The following HECTD2 variants were observed in gnomAD, a reference collection of about 807,000 sequenced individuals.
The protein encoded by HECTD2 is probable E3 ubiquitin-protein ligase HECTD2.
Under a neutral mutation model 103.2 loss-of-function variants are expected in HECTD2, and 35 were observed. The observed-to-expected ratio is 0.34, with a 90% CI of 0.26 to 0.45. The LOEUF (loss-of-function observed/expected upper bound fraction) is 0.45. Ranked by LOEUF, HECTD2 falls within the 20% of genes least tolerant of loss-of-function variation. The pLI is 1.00. For synonymous variants in HECTD2, 281 were observed against 329.9 expected (o/e 0.85, Z 1.61); for missense variants, 596 against 937.4 (o/e 0.64, Z 4.76).
At chr10:91,419,410 T>C in intron 1 of HECTD2, among the ~76,000 whole-genome samples, 1 of 152,062 alleles carries the variant, frequency 6.6e-6, no homozygotes, top group East Asian at 1.9e-4. Context: ...GCAGAACAGG[T>C]ACTCTAAGTG....
At chr10:91,425,233 T>C in intron 1 of HECTD2, 48 bp from the exon 2 acceptor site, 1 of 1,343,014 alleles carries the variant, frequency 7.4e-7, no homozygotes, top group Non-Finnish European at 9.7e-7. Context: ...ATAAAATAAT[T>C]TATAGGTAGT....
At chr10:91,422,339 A>G (rs1336405623) in intron 1 of HECTD2, among the ~76,000 whole-genome samples, 2 of 152,170 alleles carry the variant, frequency 1.3e-5, no homozygotes, top group African/African-American at 4.8e-5. Context: ...AATGCCTTCT[A>G]TGTGTTAAAT....
chr10:91,456,654 C>G (rs1845108970), intron 2 of HECTD2, among the ~76,000 whole-genome samples: 1 of 152,082 alleles, frequency 6.6e-6, no homozygotes, highest in Non-Finnish European at 1.5e-5. Flanking sequence ...TGTCTTGTGC[C>G]AGTTTTGAAA....
intron 1 of HECTD2, among the ~76,000 whole-genome samples, chr10:91,421,257 C>CT (rs374587906): frequency 2.9e-4 from 43 of 149,704 alleles, no homozygotes; most frequent in African/African-American, 6.6e-4. Context: ...CATTATTGAC[C>CT]TTTTTTTTTT....
intron 2 of HECTD2, among the ~76,000 whole-genome samples, chr10:91,433,386 A>G (rs1843978140): frequency 6.6e-6 from 1 of 152,000 alleles, no homozygotes; most frequent in South Asian, 2.1e-4. Context: ...GCAAATATAA[A>G]TAAATATTCT....
At chr10:91,511,515 G>T (rs1466621916) in intron 20 of HECTD2, among the ~76,000 whole-genome samples, 1 of 152,088 alleles carries the variant, frequency 6.6e-6, no homozygotes, top group Non-Finnish European at 1.5e-5. Context: ...TGGCACCAGG[G>T]ATCGGTTTTG....
chr10:91,416,638 T>C (rs1354683273), intron 1 of HECTD2, among the ~76,000 whole-genome samples: 2 of 152,240 alleles, frequency 1.3e-5, no homozygotes, highest in African/African-American at 4.8e-5. Context: ...TCAGAAAATA[T>C]CCTCATTGTT....
intron 2 of HECTD2, among the ~76,000 whole-genome samples, chr10:91,431,239 C>T (rs562725943): frequency 1.2e-4 from 18 of 151,912 alleles, no homozygotes; most frequent in Admixed American, 4.6e-4. Context: ...GAGTTTCTGC[C>T]GAGAGATCTG....
At chr10:91,439,170 G>C (rs1340047056) in intron 2 of HECTD2, among the ~76,000 whole-genome samples, 1 of 152,112 alleles carries the variant, frequency 6.6e-6, no homozygotes, top group Non-Finnish European at 1.5e-5. Flanking sequence ...GTCCTGAATG[G>C]TATTGCCTAG....
At chr10:91,462,375 G>T in intron 5 of HECTD2, 191 bp downstream of exon 5, 1 of 1,133,764 alleles carries the variant, frequency 8.8e-7, no homozygotes, top group Non-Finnish European at 1.1e-6. Context: ...GAATTAAGCA[G>T]CAAATACTTT....
Position 91,505,714 on chromosome 10 carries a change from C to T in HECTD2, c.2210+4380C>T, listed in dbSNP as rs1475373651. Among the ~76,000 whole-genome samples, 890 of 147,914 alleles carry T rather than the reference C, an allele frequency of 6.0e-3. 4 individuals carry two copies. Among genetic ancestry groups the T allele is most frequent in the African/African-American group, 0.018 (746 of 40,834 alleles). On this transcript the variant is annotated intron_variant, in intron 20 of 20. Transcript: ENST00000298068. ...CCACTGTCAACATTAGACAGATCAACGAGACAGAAAGTCAACAAGGATACC... is the reference window on the plus strand; with the variant it reads ...CCACTGTCAACATTAGACAGATCAATGAGACAGAAAGTCAACAAGGATACC...
chr10:91,414,984 G>A (rs1843061956), intron 1 of HECTD2, among the ~76,000 whole-genome samples: 1 of 152,130 alleles, frequency 6.6e-6, no homozygotes, highest in South Asian at 2.1e-4. Context: ...ACTAGAGGAG[G>A]GAGAAAGTGA....
chr10:91,491,514 T>A (rs1352709397), intron 12 of HECTD2, among the ~76,000 whole-genome samples: 1 of 152,212 alleles, frequency 6.6e-6, no homozygotes, highest in Non-Finnish European at 1.5e-5. Flanking sequence ...CTTATATTCA[T>A]GTTTGTATGT....
intron 14 of HECTD2, among the ~76,000 whole-genome samples, chr10:91,495,832 A>G (rs982827847): frequency 6.6e-6 from 1 of 152,160 alleles, no homozygotes; most frequent in Non-Finnish European, 1.5e-5. Flanking sequence ...AGTATTCTAC[A>G]GTGAGATCTA....
intron 16 of HECTD2, among the ~76,000 whole-genome samples, chr10:91,498,668 T>A (rs1373281552): frequency 6.6e-6 from 1 of 152,226 alleles, no homozygotes; most frequent in African/African-American, 2.4e-5. Flanking sequence ...TAGGCAGGGT[T>A]AAGTTAAGGC....
In HECTD2 at chr10:91,512,663, T is replaced by C; in HGVS notation, c.*279T>C. 3.2e-6 allele frequency: 1 copy of C among 309,766 alleles called. No homozygotes were observed. The highest frequency in any genetic ancestry group is 6.0e-6 in the Non-Finnish European group (1 of 165,408). The allele number at this position is 309,766 out of a possible 1,614,324, so 19.2% of individuals were successfully genotyped here. On this transcript the variant is annotated 3_prime_UTR_variant, in exon 21 of 21. Coordinates refer to ENST00000298068, the MANE Select transcript of HECTD2 (RefSeq NM_182765.6). ...GCACTTTATCATTCTCCACAAGTAG[T>C]TTGTCACAGGCATTCCACTGGGAAA...
At chr10:91,495,170 A>T (rs1489710410) in intron 14 of HECTD2, among the ~76,000 whole-genome samples, 1 of 151,968 alleles carries the variant, frequency 6.6e-6, no homozygotes, top group African/African-American at 2.4e-5. Context: ...TATATAGGAG[A>T]AATGTGAGAT....
chr10:91,457,892 T>G (rs1845175124), intron 2 of HECTD2, among the ~76,000 whole-genome samples: 1 of 151,862 alleles, frequency 6.6e-6, no homozygotes, highest in African/African-American at 2.4e-5. Flanking sequence ...GGATGTTTGC[T>G]CTTACTCTTA....
At chr10:91,452,170 A>G (rs1844862350) in intron 2 of HECTD2, among the ~76,000 whole-genome samples, 1 of 152,114 alleles carries the variant, frequency 6.6e-6, no homozygotes, top group Non-Finnish European at 1.5e-5. Flanking sequence ...TTACAGTCCT[A>G]TTATCAGAGT....
Sources: gnomAD v4.1 joint callset for allele counts (sites outside exome capture counted in the v4.1 genomes callset) on GRCh38, gnomAD v4.1.1 for gene constraint, MANE v1.5 for transcripts, NCBI Gene and HGNC (gene_info 2026-07-23, HGNC 2026-07-21) for gene names.